Variants in OR14A2 observed in about 807,000 individuals in gnomAD.
OR14A2 encodes olfactory receptor family 14 subfamily A member 2, also known as olfactory receptor 14A2.
For missense variants in OR14A2, 237 were observed against 152.9 expected (o/e 1.55, Z -2.90); for synonymous variants, 114 against 58.6 (o/e 1.95, Z -4.32).
upstream of OR14A2, among the ~76,000 whole-genome samples, chr1:247,725,356 A>G (rs1432816651): frequency 6.6e-6 from 1 of 152,112 alleles, no homozygotes; most frequent in African/African-American, 2.4e-5. Flanking sequence ...GTGATTAAAT[A>G]ATTCTGAAGA....
chr1:247,726,932 G>A (rs1451737526), upstream of OR14A2, among the ~76,000 whole-genome samples: 3 of 143,176 alleles, frequency 2.1e-5, no homozygotes, highest in Non-Finnish European at 3.0e-5. Context: ...TTTGGTTACT[G>A]TAGCCTTGTA....
chr1:247,723,116 C>T (rs1660238648), exon 1 of OR14A2: 2 of 715,784 alleles, frequency 2.8e-6, no homozygotes, highest in Non-Finnish European at 5.2e-6. Context: ...AAGTAAGCCT[C>T]CTGACCATAT....
exon 1 of OR14A2, chr1:247,723,431 T>C (rs549726598): frequency 3.0e-4 from 216 of 717,628 alleles, no homozygotes; most frequent in Middle Eastern, 9.1e-4. Context: ...CAAGAAATGC[T>C]TAAACATGCA....
upstream of OR14A2, among the ~76,000 whole-genome samples, chr1:247,727,676 C>T (rs944080421): frequency 5.1e-4 from 75 of 146,132 alleles, no homozygotes; most frequent in Admixed American, 4.7e-4. Context: ...AGACCGCTAG[C>T]AAGACTAATA....
chr1:247,745,774 C>G, the OR14A2 span, among the ~76,000 whole-genome samples: 118 of 152,226 alleles, frequency 7.8e-4, 2 homozygotes, highest in East Asian at 0.021. Flanking sequence ...GACTGACTGA[C>G]AAATATATGC....
the OR14A2 span, among the ~76,000 whole-genome samples, chr1:247,748,147 A>G: frequency 6.6e-6 from 1 of 152,182 alleles, no homozygotes; most frequent in Non-Finnish European, 1.5e-5. Context: ...TAATTACATC[A>G]TGTTAGGAGG....
chr1:247,738,556 T>G, the OR14A2 span: 1 of 692,354 alleles, frequency 1.4e-6, no homozygotes, highest in South Asian at 1.7e-5. Context: ...ATGATACTTT[T>G]TAATATTAGT....
chr1:247,732,264 A>T, the OR14A2 span, among the ~76,000 whole-genome samples: 110 of 152,148 alleles, frequency 7.2e-4, no homozygotes, highest in Non-Finnish European at 1.4e-3. Flanking sequence ...AATAGGATCT[A>T]TCTCTATCCA....
At chr1:247,743,590 T>C in the OR14A2 span, among the ~76,000 whole-genome samples, 3 of 152,224 alleles carry the variant, frequency 2.0e-5, no homozygotes, top group African/African-American at 7.2e-5. Context: ...TTAAGATGCA[T>C]TTCATTCATA....
chr1:247,740,205 T>C, the OR14A2 span, among the ~76,000 whole-genome samples: 1 of 152,352 alleles, frequency 6.6e-6, no homozygotes, highest in African/African-American at 2.4e-5. Context: ...TTTATTGTCC[T>C]ATCTTTTCCA....
chr1:247,729,875 ATGTTTTCT>A, the OR14A2 span, among the ~76,000 whole-genome samples: 1 of 152,050 alleles, frequency 6.6e-6, no homozygotes, highest in African/African-American at 2.4e-5. Context: ...AGATTTGCTC[ATGTTTTCT>A]TGTTACTTAT....
the OR14A2 span, among the ~76,000 whole-genome samples, chr1:247,738,271 C>T: frequency 6.6e-6 from 1 of 152,022 alleles, no homozygotes; most frequent in Admixed American, 6.6e-5. Context: ...AAATGTATGC[C>T]CTATTGCAGT....
At chr1:247,746,450 GAGA>G in the OR14A2 span, 1 of 152,328 alleles carries the variant, frequency 6.6e-6, no homozygotes, top group East Asian at 1.9e-4. Flanking sequence ...CCATGCTATG[GAGA>G]AGGATTACTG....
At chr1:247,723,376 A>G in exon 1 of OR14A2, 1 of 717,562 alleles carries the variant, frequency 1.4e-6, no homozygotes, top group Non-Finnish European at 2.6e-6. Context: ...GATCTTCAGT[A>G]CAGTGGAGAA....
the OR14A2 span, among the ~76,000 whole-genome samples, chr1:247,735,734 T>C: frequency 1.3e-5 from 2 of 152,102 alleles, no homozygotes; most frequent in South Asian, 2.1e-4. Flanking sequence ...TAAATACTGA[T>C]ACGTAGAGGA....
the OR14A2 span, among the ~76,000 whole-genome samples, chr1:247,739,990 G>A: frequency 4.4e-3 from 669 of 152,216 alleles, 4 homozygotes; most frequent in African/African-American, 0.015. Flanking sequence ...GGATTACAGC[G>A]TAAGCCACCG....
At chr1:247,727,017 C>A (rs2103204188), upstream of OR14A2, among the ~76,000 whole-genome samples, 1 of 150,624 alleles carries the variant, frequency 6.6e-6, no homozygotes, top group Admixed American at 6.6e-5. Context: ...GCGATGCGGG[C>A]TCTTTTTTGG....
chr1:247,725,691 C>A (rs867820947), upstream of OR14A2, among the ~76,000 whole-genome samples: 81 of 112,810 alleles, frequency 7.2e-4, no homozygotes, highest in African/African-American at 2.5e-3. Flanking sequence ...CTCCCCCCAC[C>A]CCACCACAGT....
the OR14A2 span, chr1:247,746,726 G>GA: frequency 6.6e-6 from 1 of 152,194 alleles, no homozygotes; most frequent in South Asian, 2.1e-4. Flanking sequence ...AAACATCTTA[G>GA]AATGTGGCTG....
Sources: allele counts gnomAD v4.1 joint callset (sites outside exome capture counted in the v4.1 genomes callset), GRCh38; gene constraint gnomAD v4.1.1; transcripts MANE v1.5; gene names NCBI Gene and HGNC (gene_info 2026-07-23, HGNC 2026-07-21).